Variants in ST13 observed in about 807,000 individuals in gnomAD.
ST13 encodes the protein hsc70-interacting protein.
A neutral mutation model predicts 56.7 loss-of-function variants in ST13; 23 were observed. The ratio of observed to expected loss-of-function variants is 0.41; its 90% CI spans 0.29 to 0.57. The LOEUF (loss-of-function observed/expected upper bound fraction) is 0.57. Among genes scored for constraint, ST13 ranks in the 20% least tolerant of loss-of-function variants. The probability of loss-of-function intolerance (pLI) is 0.36; values close to 1 mark genes in which losing one functional copy is unlikely to be tolerated. For synonymous variants in ST13, 132 were observed against 142.4 expected (o/e 0.93, Z 0.52); for missense variants, 369 against 459.9 (o/e 0.80, Z 1.81).
chr22:40,836,111 A>G (rs1399792860), intron 5 of ST13, among the ~76,000 whole-genome samples: 1 of 152,228 alleles, frequency 6.6e-6, no homozygotes, highest in Non-Finnish European at 1.5e-5. Flanking sequence ...GCCCCTAACT[A>G]ACAATAGAAT....
chr22:40,833,058 C>A (rs1025933897), intron 7 of ST13, among the ~76,000 whole-genome samples: 8 of 152,166 alleles, frequency 5.3e-5, no homozygotes, highest in African/African-American at 1.9e-4. Flanking sequence ...TGTGTACAGG[C>A]TTTACGAAAA....
At position 40,832,691 on chromosome 22, in the gene ST13, A is replaced by G. The variant is rs1253004608; in HGVS notation, c.579-20T>C. ...AGAAGTCTGAAACAGATTTACACTC[A>G]TTTTAGGAGCCTTTTATACATATTC... On this transcript the variant is annotated intron_variant, in intron 7 of 11. Transcript: ENST00000216218. The G allele has an allele frequency of 1.3e-6, 2 of 1,549,710 alleles. No homozygotes were observed. Among genetic ancestry groups the G allele is most frequent in the African/African-American group, 2.7e-5 (2 of 73,832 alleles).
chr22:40,854,296 CTTAGT>C lies in ST13; in HGVS notation c.110+2130_110+2134del, dbSNP rs200171572. ...CAAAGGCCTCAGAGTTTATAAAAAT[CTTAGT>C]TTAAATACAGAAATAAAGAGAAAAA... On this transcript the variant is annotated intron_variant, in intron 1 of 11. Coordinates refer to ENST00000216218, the MANE Select transcript of ST13 (RefSeq NM_003932.5). 8.5e-5 allele frequency among the ~76,000 whole-genome samples: 13 copies of C among 152,236 alleles called. No individual in the cohort carries two copies. In the East Asian group the frequency reaches 1.7e-3, roughly 20 times the overall value.
At chr22:40,827,424 A>T (rs2057733983) in intron 10 of ST13, among the ~76,000 whole-genome samples, 195 bp from the exon 11 acceptor site, 1 of 152,222 alleles carries the variant, frequency 6.6e-6, no homozygotes, top group South Asian at 2.1e-4. Context: ...ACAAGGCTGT[A>T]AATCAGACTT....
At chr22:40,847,323 C>G (rs1399759543) in intron 3 of ST13, among the ~76,000 whole-genome samples, 2 of 150,854 alleles carry the variant, frequency 1.3e-5, no homozygotes, top group Non-Finnish European at 2.9e-5. Flanking sequence ...CACCTGAGAT[C>G]AGGAGTTCAA....
intron 5 of ST13, among the ~76,000 whole-genome samples, 172 bp downstream of exon 5, chr22:40,840,454 G>A (rs921339189): frequency 3.3e-5 from 5 of 151,900 alleles, no homozygotes; most frequent in Non-Finnish European, 7.4e-5. Context: ...TCCTTGCAGA[G>A]AGAAGTGATT....
chr22:40,848,215 G>C (rs558859303), intron 3 of ST13, 79 bp downstream of exon 3: 2 of 1,009,338 alleles, frequency 2.0e-6, no homozygotes, highest in African/African-American at 3.2e-5. Flanking sequence ...ACACAGTGCT[G>C]ATTTAAGTCA....
intron 7 of ST13, among the ~76,000 whole-genome samples, chr22:40,832,994 T>A: frequency 6.6e-6 from 1 of 152,186 alleles, no homozygotes; most frequent in Non-Finnish European, 1.5e-5. Context: ...AGGACTAACA[T>A]AATGTGTTAG....
At chr22:40,835,149 C>CTGG (rs1449585328) in intron 7 of ST13, among the ~76,000 whole-genome samples, 2 of 152,174 alleles carry the variant, frequency 1.3e-5, no homozygotes, top group African/African-American at 4.8e-5. Flanking sequence ...CTATAATACA[C>CTGG]TGGTAGTTCA....
rs2057721588 is a variant in ST13, at chr22:40,825,124, T to C, written c.*1414A>G. 1 of 152,104 alleles carries C rather than the reference T, an allele frequency of 6.6e-6. No homozygotes were observed. The highest frequency in any genetic ancestry group is 1.9e-4 in the East Asian group (1 of 5,194). The allele number at this position is 152,104 out of a possible 1,614,324, so 9.4% of individuals were successfully genotyped here. ...TACTTAGTCTTATTTAAAATAAGAA[T>C]TGAATGCACAACAGAAAATTTATCA... On this transcript the variant is annotated 3_prime_UTR_variant, in exon 12 of 12. Coordinates refer to ENST00000216218, the MANE Select transcript of ST13 (RefSeq NM_003932.5).
Position 40,856,633 on chromosome 22 carries a change from C to G in ST13, c.-93G>C. The stretch of plus-strand genomic sequence containing the variant: ...GTGACCGCGCAGAAGGGGGCGGCTG[C>G]CGCAAGACAGAACAGACTAGAACCT... On this transcript the variant is annotated 5_prime_UTR_variant, in exon 1 of 12. Transcript: ENST00000216218. The G allele has an allele frequency of 1.0e-6, 1 of 993,270 alleles. No individual in the cohort carries two copies. The highest frequency in any genetic ancestry group is 1.3e-5 in the South Asian group (1 of 76,018). 61.5% of individuals were successfully genotyped at this position (993,270 alleles called of 1,614,324 possible).
intron 8 of ST13, 44 bp from the exon 9 acceptor site, chr22:40,831,000 G>GT (rs1456454424): frequency 8.3e-7 from 1 of 1,208,632 alleles, no homozygotes; most frequent in Admixed American, 1.7e-5. Flanking sequence ...TCCAAAAGCT[G>GT]AATAACATCA....
At chr22:40,831,569 T>C (rs1368306738) in intron 8 of ST13, among the ~76,000 whole-genome samples, 2 of 152,262 alleles carry the variant, frequency 1.3e-5, no homozygotes, top group Non-Finnish European at 2.9e-5. Context: ...ACTGTCACTT[T>C]AGCTTGTTTA....
chr22:40,840,268 T>A (rs571738428), intron 5 of ST13, among the ~76,000 whole-genome samples: 1 of 152,268 alleles, frequency 6.6e-6, no homozygotes, highest in South Asian at 2.1e-4. Flanking sequence ...AAGATTGGTA[T>A]GCCTATGAAC....
In ST13 at chr22:40,835,897, A is replaced by C; in HGVS notation, c.383-10T>G. ...GCTTTCTGGAGTTCACCTAAAGTGAAACAAAAGTTATCGAGAAATATTCAG... is the reference window on the plus strand; with the variant it reads ...GCTTTCTGGAGTTCACCTAAAGTGACACAAAAGTTATCGAGAAATATTCAG... On this transcript the variant is annotated splice_polypyrimidine_tract_variant and intron_variant, in intron 5 of 11. Transcript: ENST00000216218. 1 of 1,598,694 alleles carries C rather than the reference A, an allele frequency of 6.3e-7. No homozygotes were observed. Among genetic ancestry groups the C allele is most frequent in the Non-Finnish European group, 8.5e-7 (1 of 1,170,338 alleles).
At chr22:40,844,112 A>G (rs1357777324) in intron 4 of ST13, among the ~76,000 whole-genome samples, 2 of 151,908 alleles carry the variant, frequency 1.3e-5, no homozygotes, top group Non-Finnish European at 2.9e-5. Context: ...CAAACTCCTG[A>G]CCTTAGATGA....
chr22:40,850,638 C>G (rs1049208630), intron 2 of ST13, among the ~76,000 whole-genome samples, 185 bp downstream of exon 2: 5 of 152,126 alleles, frequency 3.3e-5, no homozygotes, highest in African/African-American at 9.7e-5. Context: ...ATTCTCAGTT[C>G]TAAATCAGAA....
At chr22:40,835,068 C>A (rs1034505662) in intron 7 of ST13, among the ~76,000 whole-genome samples, 1 of 152,214 alleles carries the variant, frequency 6.6e-6, no homozygotes, top group Non-Finnish European at 1.5e-5. Context: ...TTTATGCCCC[C>A]CCGCCTTCTC....
chr22:40,844,955 T>C (rs759774778), intron 3 of ST13, 46 bp from the exon 4 acceptor site: 8 of 1,355,530 alleles, frequency 5.9e-6, no homozygotes, highest in East Asian at 4.8e-5. Context: ...CCGTACAATA[T>C]AGTAGCCACT....
Sources: allele counts gnomAD v4.1 joint callset (sites outside exome capture counted in the v4.1 genomes callset), GRCh38; gene constraint gnomAD v4.1.1; transcripts MANE v1.5; gene names NCBI Gene and HGNC (gene_info 2026-07-23, HGNC 2026-07-21).